Variants in WWOX observed in about 807,000 individuals in gnomAD.
WWOX encodes WW domain-containing oxidoreductase.
WWOX carries 69 observed loss-of-function variants against 46.2 expected under a neutral mutation model. That is an observed-to-expected ratio of 1.49 (90% CI 1.23 to 1.82). The LOEUF (loss-of-function observed/expected upper bound fraction) is 1.82. Ranked by LOEUF, WWOX falls within the 40% of genes most tolerant of loss-of-function variation. The pLI is 0.00. For synonymous variants in WWOX, 359 were observed against 202.6 expected, an observed-to-expected ratio of 1.77 and a Z score of -6.56; for missense variants, 919 against 542.6, an observed-to-expected ratio of 1.69 and a Z score of -6.89.
chr16:78,501,805 G>A (rs896497809), intron 8 of WWOX, among the ~76,000 whole-genome samples: 5 of 152,102 alleles, frequency 3.3e-5, no homozygotes, highest in African/African-American at 7.2e-5. Context: ...CCAAACTGCT[G>A]GAATCTGAGA....
chr16:79,199,731 C>G (rs1333701489), intron 8 of WWOX, among the ~76,000 whole-genome samples: 1 of 152,072 alleles, frequency 6.6e-6, no homozygotes, highest in Non-Finnish European at 1.5e-5. Context: ...AGAGGGTGTA[C>G]TGGTAGAGGA....
chr16:78,637,441 CAA>C (rs11426631), intron 8 of WWOX, among the ~76,000 whole-genome samples: 13 of 139,372 alleles, frequency 9.3e-5, no homozygotes, highest in Admixed American at 2.2e-4. Context: ...AACTCTGTCT[CAA>C]AAAAAAAAAA....
intron 5 of WWOX, among the ~76,000 whole-genome samples, chr16:78,267,571 T>A (rs2079393083): frequency 6.6e-6 from 1 of 152,206 alleles, no homozygotes; most frequent in African/African-American, 2.4e-5. Context: ...TCGAGGGGAA[T>A]GAGCCCCTGA....
chr16:78,238,385 G>A (rs2037513421), intron 5 of WWOX, among the ~76,000 whole-genome samples: 1 of 148,540 alleles, frequency 6.7e-6, no homozygotes, highest in South Asian at 2.2e-4. Flanking sequence ...GAGAAGCCTC[G>A]ACCTCCCGGG....
chr16:78,138,140 G>T (rs1228916205), intron 4 of WWOX, among the ~76,000 whole-genome samples: 1 of 150,780 alleles, frequency 6.6e-6, no homozygotes, highest in Non-Finnish European at 1.5e-5. Flanking sequence ...TGGTAGGACT[G>T]TAGAAGAGTC....
chr16:78,121,441 G>GTGT (rs1180017856), intron 4 of WWOX, among the ~76,000 whole-genome samples: 1 of 152,062 alleles, frequency 6.6e-6, no homozygotes, highest in East Asian at 1.9e-4. Flanking sequence ...TTTACACTGA[G>GTGT]ATATTATTGG....
chr16:78,659,649 G>A (rs1385852019), intron 8 of WWOX, among the ~76,000 whole-genome samples: 1 of 152,192 alleles, frequency 6.6e-6, no homozygotes, highest in Non-Finnish European at 1.5e-5. Context: ...ATCGGAGCGA[G>A]TTCAGGAGAG....
At chr16:78,352,657 A>G (rs2081208803) in intron 5 of WWOX, among the ~76,000 whole-genome samples, 1 of 152,244 alleles carries the variant, frequency 6.6e-6, no homozygotes, top group Non-Finnish European at 1.5e-5. Flanking sequence ...TCTTAATGCC[A>G]TCTACAACCT....
chr16:78,499,748 C>T (rs942407373), intron 8 of WWOX, among the ~76,000 whole-genome samples: 2 of 152,192 alleles, frequency 1.3e-5, no homozygotes, highest in Non-Finnish European at 2.9e-5. Context: ...CAGGACTTGA[C>T]ACCAGCCTCT....
intron 1 of WWOX, among the ~76,000 whole-genome samples, chr16:78,102,508 T>G (rs1216062580): frequency 6.6e-6 from 1 of 152,194 alleles, no homozygotes; most frequent in Non-Finnish European, 1.5e-5. Flanking sequence ...GCAGCAGAGC[T>G]CCAGTAGCCT....
intron 8 of WWOX, among the ~76,000 whole-genome samples, chr16:78,864,773 T>G (rs2043966624): frequency 9.1e-6 from 1 of 109,698 alleles, no homozygotes; most frequent in Admixed American, 9.2e-5. Flanking sequence ...TTTTTTTTTT[T>G]TTTTTTTTTG....
At chr16:78,156,743 G>A (rs937142576) in intron 4 of WWOX, among the ~76,000 whole-genome samples, 1 of 151,966 alleles carries the variant, frequency 6.6e-6, no homozygotes, top group Non-Finnish European at 1.5e-5. Context: ...GGCCAACATG[G>A]TGAAATCCCG....
intron 5 of WWOX, among the ~76,000 whole-genome samples, chr16:78,317,756 T>G (rs2080385251): frequency 6.6e-6 from 1 of 152,114 alleles, no homozygotes; most frequent in Non-Finnish European, 1.5e-5. Flanking sequence ...GTCCTCACCT[T>G]GATTTATTAG....
chr16:78,357,771 C>T (rs1165471644), intron 5 of WWOX, among the ~76,000 whole-genome samples: 1 of 152,212 alleles, frequency 6.6e-6, no homozygotes, highest in African/African-American at 2.4e-5. Flanking sequence ...TTGCTGCACT[C>T]TTGCTGGGTA....
At chr16:78,817,217 T>C (rs911869777) in intron 8 of WWOX, among the ~76,000 whole-genome samples, 30 of 128,756 alleles carry the variant, frequency 2.3e-4, no homozygotes, top group African/African-American at 8.1e-4. Flanking sequence ...CAACCCTGAC[T>C]CTGATTCACA....
intron 8 of WWOX, among the ~76,000 whole-genome samples, chr16:79,055,430 T>C (rs969679219): frequency 6.6e-6 from 1 of 152,140 alleles, no homozygotes; most frequent in East Asian, 1.9e-4. Flanking sequence ...AATGCCTGAC[T>C]ACCCTGAGAC....
At chr16:78,739,636 C>A (rs1039448979) in intron 8 of WWOX, among the ~76,000 whole-genome samples, 1 of 152,072 alleles carries the variant, frequency 6.6e-6, no homozygotes, top group Non-Finnish European at 1.5e-5. Context: ...CACGGATAAA[C>A]CTCGTCTCTA....
In WWOX at chr16:78,668,647, G is replaced by T. The variant is rs865948876; in HGVS notation, c.1056+235895G>T. Among the ~76,000 whole-genome samples the T allele has an allele frequency of 2.4e-4, 37 of 152,288 alleles. 1 individual carries two copies. The highest frequency in any genetic ancestry group is 1.3e-4 in the Admixed American group (2 of 15,300). ...TGAAGGAGTGACAGCAGGGGGTGAG[G>T]ATAAGAAGGAGGAAGCTTTACCCCT... On this transcript the variant is annotated intron_variant, in intron 8 of 8. Coordinates refer to ENST00000566780, the MANE Select transcript of WWOX (RefSeq NM_016373.4).
chr16:79,037,704 C>T (rs2047894971), intron 8 of WWOX, among the ~76,000 whole-genome samples: 1 of 152,140 alleles, frequency 6.6e-6, no homozygotes. Context: ...AATCGCAAGC[C>T]AGGTAAATAT....
Sources: allele counts gnomAD v4.1 joint callset (sites outside exome capture counted in the v4.1 genomes callset), GRCh38; gene constraint gnomAD v4.1.1; transcripts MANE v1.5; gene names NCBI Gene and HGNC (gene_info 2026-07-23, HGNC 2026-07-21).